Variants in DNAH14 observed in about 807,000 individuals in gnomAD.
DNAH14 encodes axonemal beta dynein heavy chain 14.
In DNAH14, 478 loss-of-function variants were observed where a neutral mutation model predicts 520.9. The observed-to-expected ratio is 0.92, with a 90% CI of 0.85 to 0.99. DNAH14 has a LOEUF of 0.99. Ranked by LOEUF, DNAH14 falls within the 50% of genes least tolerant of loss-of-function variation. DNAH14 has a pLI of 0.00. For missense variants in DNAH14, 4,831 were observed against 5,234.5 expected (o/e 0.92, Z 2.38); for synonymous variants, 1,581 against 1,757.2 (o/e 0.90, Z 2.51).
rs571875665 is a variant in DNAH14, at chr1:224,989,548, T to A, written c.831-13235T>A. On this transcript the variant is annotated intron_variant, in intron 8 of 85. Transcript: ENST00000682510. ...TTTATTTCTTCCTTTCTGATCTATATGGCTTTATTTCCTCTTCTTGCCTTA... is the reference window on the plus strand; with the variant it reads ...TTTATTTCTTCCTTTCTGATCTATAAGGCTTTATTTCCTCTTCTTGCCTTA... 1.4e-4 allele frequency among the ~76,000 whole-genome samples: 22 copies of A among 152,324 alleles called. No homozygotes were observed. The East Asian group carries it at 3.9e-3, about 27-fold the overall frequency.
At chr1:225,193,463 T>C (rs1198021308) in intron 38 of DNAH14, among the ~76,000 whole-genome samples, 2 of 152,006 alleles carry the variant, frequency 1.3e-5, no homozygotes, top group Non-Finnish European at 2.9e-5. Flanking sequence ...GCTGAGGCAG[T>C]AGGGTCACTT....
chr1:225,272,080 T>C lies in DNAH14; in HGVS notation c.7839+7T>C. Reference sequence around the variant, plus strand: ...TCTTCGAGATATGTTTAAGGTTTGTTTTAATGTTCATTCTCTAGTTTATTT... The same window carrying C: ...TCTTCGAGATATGTTTAAGGTTTGTCTTAATGTTCATTCTCTAGTTTATTT... On this transcript the variant is annotated splice_region_variant and intron_variant, in intron 51 of 85. Transcript: ENST00000682510. The C allele has an allele frequency of 6.5e-7, 1 of 1,544,548 alleles. No individual in the cohort carries two copies. The highest frequency in any genetic ancestry group is 1.2e-5 in the South Asian group (1 of 82,896).
intron 77 of DNAH14, among the ~76,000 whole-genome samples, chr1:225,373,298 G>A (rs1429408351): frequency 6.6e-6 from 1 of 152,102 alleles, no homozygotes; most frequent in Non-Finnish European, 1.5e-5. Context: ...AGACCATGCT[G>A]GTTAACACAG....
chr1:225,130,700 TA>T (rs1205399293), intron 27 of DNAH14, among the ~76,000 whole-genome samples: 1 of 136,030 alleles, frequency 7.4e-6, no homozygotes, highest in African/African-American at 3.1e-5. Context: ...GGGATAGCAT[TA>T]GGAGATATAC....
At chr1:225,324,919 A>T (rs2094625484) in intron 64 of DNAH14, 87 bp downstream of exon 64, 1 of 924,482 alleles carries the variant, frequency 1.1e-6, no homozygotes, top group African/African-American at 1.7e-5. Flanking sequence ...TTCAGATAAG[A>T]TGGAAATAAT....
At chr1:225,379,437 G>A (rs372319262) in intron 79 of DNAH14, among the ~76,000 whole-genome samples, 4 of 152,258 alleles carry the variant, frequency 2.6e-5, no homozygotes, top group African/African-American at 9.6e-5. Flanking sequence ...ATCTTCAGAC[G>A]GAACTTAAGC....
At chr1:225,097,269 G>A (rs1282029495) in intron 22 of DNAH14, 30 bp downstream of exon 22, 3 of 1,500,260 alleles carry the variant, frequency 2.0e-6, no homozygotes, top group South Asian at 2.6e-5. Flanking sequence ...CCATATACAG[G>A]TTCAAAATGC....
intron 38 of DNAH14, among the ~76,000 whole-genome samples, chr1:225,198,864 A>T (rs1244454672): frequency 6.6e-6 from 1 of 152,160 alleles, no homozygotes; most frequent in Non-Finnish European, 1.5e-5. Context: ...AGAATGATTT[A>T]GGGAGGATTC....
chr1:225,090,774 T>C (rs1334749414), intron 21 of DNAH14, among the ~76,000 whole-genome samples: 4 of 152,092 alleles, frequency 2.6e-5, no homozygotes, highest in Non-Finnish European at 5.9e-5. Context: ...CTATAAAACT[T>C]TGAGAAAAAA....
chr1:225,282,595 G>A (rs1418245229), intron 54 of DNAH14, among the ~76,000 whole-genome samples: 1 of 152,176 alleles, frequency 6.6e-6, no homozygotes, highest in African/African-American at 2.4e-5. Flanking sequence ...TGCATGATCA[G>A]GCCAGTTACT....
rs188965873 is a variant in DNAH14, at chr1:225,277,674, A to G, written c.8271+172A>G. Among the ~76,000 whole-genome samples the G allele has an allele frequency of 1.4e-3, 217 of 152,366 alleles. No individual in the cohort carries two copies. In the Middle Eastern group the frequency reaches 0.017, roughly 12 times the overall value. On this transcript the variant is annotated intron_variant, in intron 54 of 85. Transcript: ENST00000682510. ...CTGCAGTTTGCATATGAAATCTGTC[A>G]GCAAATAAAAATGGTATTTGTTTTT...
Position 225,231,134 on chromosome 1 carries a change from C to A in DNAH14, c.6501C>A (p.Phe2167Leu), listed in dbSNP as rs1352851406. ...EANSQRESVT[F>L]KDIEKRDENT... ...ATTCCCAAAGAGAGTCTGTCACATT[C>A]AAGGATATAGAAAAGAGGTCAGTTA... The change falls in exon 42 of 86, where the codon TTC becomes TTA. Residue 2167 changes from phenylalanine (F) to leucine (L), a missense_variant. By Grantham distance (22) the Phe-to-Leu change is conservative. Transcript: ENST00000682510. 1.3e-6 allele frequency: 2 copies of A among 1,546,040 alleles called. No individual in the cohort carries two copies. Among genetic ancestry groups the A allele is most frequent in the Admixed American group, 2.0e-5 (1 of 50,126 alleles).
At chr1:225,380,881 T>C (rs1427226477) in intron 80 of DNAH14, among the ~76,000 whole-genome samples, 4 of 152,210 alleles carry the variant, frequency 2.6e-5, no homozygotes, top group Admixed American at 2.6e-4. Flanking sequence ...TATTGAGCAA[T>C]AGTTTATCAA....
chr1:225,346,163 A>G lies in DNAH14; in HGVS notation c.10880A>G (p.Tyr3627Cys). 1 of 1,551,678 alleles carries G rather than the reference A, an allele frequency of 6.4e-7. No homozygotes were observed. The highest frequency in any genetic ancestry group is 8.7e-7 in the Non-Finnish European group (1 of 1,146,986). Residue 3627 changes from tyrosine (Y) to cysteine (C), a missense_variant, in exon 70 of 86, where the codon TAC becomes TGC. Transcript: ENST00000682510. The part of the protein sequence containing the change: ...VADLTQINYM[Y>C]QFSLDWFHQV... ...GATCTCACACAAATCAACTACATGT[A>G]CCAGTTCTCCCTAGACTGGTTTCAT...
chr1:225,155,248 T>G (rs7541518), intron 34 of DNAH14, among the ~76,000 whole-genome samples: 45 of 152,088 alleles, frequency 3.0e-4, no homozygotes, highest in African/African-American at 1.0e-3. Flanking sequence ...CTATTTAAAA[T>G]TGAAAAAAAG....
intron 37 of DNAH14, among the ~76,000 whole-genome samples, chr1:225,188,507 T>C (rs1573848559): frequency 6.6e-6 from 1 of 152,120 alleles, no homozygotes; most frequent in East Asian, 1.9e-4. Flanking sequence ...GGGAAAAATA[T>C]AATATATAAA....
At position 225,087,322 on chromosome 1, in the gene DNAH14, G is replaced by A. The variant is rs1437268957; in HGVS notation, c.3573+1533G>A. 2.6e-5 allele frequency among the ~76,000 whole-genome samples: 4 copies of A among 152,138 alleles called. No individual in the cohort carries two copies. The East Asian group carries it at 7.7e-4, about 29-fold the overall frequency. On this transcript the variant is annotated intron_variant, in intron 21 of 85. Transcript: ENST00000682510. ...CCCACAATAACTAATCCACCCCTGT[G>A]ATCATGGCACTAATCTATTCATTAG...
chr1:225,239,056 C>G (rs971105329), intron 42 of DNAH14, among the ~76,000 whole-genome samples: 7 of 152,180 alleles, frequency 4.6e-5, no homozygotes, highest in African/African-American at 9.7e-5. Flanking sequence ...AGCCTCCAGC[C>G]TATTGCCAGT....
At chr1:225,398,058 A>C (rs1341068924) in intron 84 of DNAH14, 2 of 151,914 alleles carry the variant, frequency 1.3e-5, no homozygotes, top group Non-Finnish European at 2.9e-5. Flanking sequence ...AAAAAAAAAA[A>C]AAAAAAAAAA....
Sources: gnomAD v4.1 joint callset for allele counts (sites outside exome capture counted in the v4.1 genomes callset) on GRCh38, gnomAD v4.1.1 for gene constraint, MANE v1.5 for transcripts, NCBI Gene and HGNC (gene_info 2026-07-23, HGNC 2026-07-21) for gene names.